RALGAPA2: variants seen among roughly 807,000 people sequenced by gnomAD.
The protein encoded by RALGAPA2 is Ral GTPase activating protein catalytic subunit alpha 2.
A neutral mutation model predicts 230.4 loss-of-function variants in RALGAPA2; 139 were observed. That is an observed-to-expected ratio of 0.60 (90% confidence interval 0.53 to 0.69). RALGAPA2 has a LOEUF of 0.69. Ranked by LOEUF, RALGAPA2 falls within the 30% of genes least tolerant of loss-of-function variation. The pLI, the probability that RALGAPA2 is intolerant of heterozygous loss-of-function variation, is 0.00. For missense variants in RALGAPA2, 2,163 were observed against 2,276.0 expected, an observed-to-expected ratio of 0.95 and a Z score of 1.01; for synonymous variants, 847 against 837.8, an observed-to-expected ratio of 1.01 and a Z score of -0.19.
intron 3 of RALGAPA2, among the ~76,000 whole-genome samples, chr20:20,672,922 G>A (rs13040686): frequency 0.017 from 2,512 of 152,238 alleles, 24 homozygotes; most frequent in Non-Finnish European, 0.027. Flanking sequence ...AGTAGCTCAC[G>A]CCTTGTAATC....
intron 34 of RALGAPA2, 21 bp from the exon 35 acceptor site, chr20:20,503,527 G>A: frequency 6.6e-7 from 1 of 1,508,970 alleles, no homozygotes; most frequent in Non-Finnish European, 8.9e-7. Context: ...TCACAAAGAA[G>A]AAAGAGTGAG....
chr20:20,640,129 T>C (rs2066985348), intron 6 of RALGAPA2, among the ~76,000 whole-genome samples: 1 of 152,200 alleles, frequency 6.6e-6, no homozygotes, highest in Non-Finnish European at 1.5e-5. Context: ...AATTCTGCTT[T>C]GGTCAGCCCA....
rs769770890 is a variant in RALGAPA2 at position 20,640,848 on chromosome 20, G to A, written c.403C>T (p.Leu135=). ...IRCEGIRLFL[L]WLQALQTNCA... is the part of the protein sequence containing the mutation. ...TTTGTCTGAAGTGCTTGAAGCCACA[G>A]AAGAAACAGCCTGATTCCTTCACAT... Residue 135 remains leucine, a synonymous_variant, in exon 6 of 40, where the codon CTG becomes TTG. Coordinates refer to ENST00000202677, the MANE Select transcript of RALGAPA2 (RefSeq NM_020343.4). The A allele has an allele frequency of 6.2e-7, 1 of 1,613,484 alleles. No homozygotes were observed. The highest frequency in any genetic ancestry group is 8.5e-7 in the Non-Finnish European group (1 of 1,179,626).
rs1276949945 is a variant in RALGAPA2, at chr20:20,611,274, T to C, written c.1800+41A>G. ...AAACTAGTTTGCTACAAAATCTGAT[T>C]CATTTCTTGCATTTGCAGTGCTTTC... On this transcript the variant is annotated intron_variant, in intron 14 of 39. Coordinates refer to ENST00000202677, the MANE Select transcript of RALGAPA2 (RefSeq NM_020343.4). The C allele has an allele frequency of 1.9e-6, 3 of 1,553,912 alleles. No individual in the cohort carries two copies. In the Admixed American group the frequency reaches 5.7e-5, roughly 29 times the overall value.
intron 1 of RALGAPA2, among the ~76,000 whole-genome samples, chr20:20,687,958 C>A (rs1334545103): frequency 6.6e-6 from 1 of 152,156 alleles, no homozygotes; most frequent in African/African-American, 2.4e-5. Flanking sequence ...TTCCTGACAC[C>A]AGCCAGTATG....
In RALGAPA2 at chr20:20,390,802, C is replaced by G. The variant is rs1247390242; in HGVS notation, c.*2487G>C. On this transcript the variant is annotated 3_prime_UTR_variant, in exon 40 of 40. Coordinates refer to ENST00000202677, the MANE Select transcript of RALGAPA2 (RefSeq NM_020343.4). ...CGTGGCTGTCAGATTCCCTGCTCCA[C>G]GTTCCATCTCCAGACCAAAGCTGCT... is the stretch of plus-strand genomic sequence containing the variant. 1 of 152,196 alleles carries G rather than the reference C, an allele frequency of 6.6e-6. No homozygotes were observed. The highest frequency in any genetic ancestry group is 2.4e-5 in the African/African-American group (1 of 41,432). 9.4% of individuals were successfully genotyped at this position (152,196 alleles called of 1,614,324 possible).
At chr20:20,544,405 T>C (rs2063727663) in intron 24 of RALGAPA2, among the ~76,000 whole-genome samples, 2 of 152,166 alleles carry the variant, frequency 1.3e-5, no homozygotes, top group South Asian at 4.2e-4. Context: ...GGAATGCTTT[T>C]ACACTGTTGG....
intron 38 of RALGAPA2, among the ~76,000 whole-genome samples, chr20:20,403,760 G>A (rs1185827894): frequency 6.6e-6 from 1 of 152,202 alleles, no homozygotes; most frequent in Non-Finnish European, 1.5e-5. Flanking sequence ...TGGGCTCTGG[G>A]ATGCACGCTG....
intron 4 of RALGAPA2, among the ~76,000 whole-genome samples, chr20:20,649,532 T>TA (rs933136245): frequency 6.6e-6 from 1 of 152,198 alleles, no homozygotes; most frequent in Non-Finnish European, 1.5e-5. Flanking sequence ...TAATGACTCA[T>TA]AAAAAACATA....
chr20:20,394,180 T>C (rs543395409), intron 39 of RALGAPA2, among the ~76,000 whole-genome samples: 7 of 152,306 alleles, frequency 4.6e-5, no homozygotes, highest in African/African-American at 1.7e-4. Flanking sequence ...ACGCATCTTT[T>C]TTCATTCTCT....
chr20:20,443,391 A>G (rs1248063312), intron 37 of RALGAPA2, among the ~76,000 whole-genome samples: 7 of 152,108 alleles, frequency 4.6e-5, no homozygotes, highest in African/African-American at 1.7e-4. Context: ...ACATTGCATC[A>G]TTTTCTGGGG....
rs971559024 is a variant in RALGAPA2, at chr20:20,583,140, G to C, written c.2617C>G (p.Pro873Ala). 6.2e-7 allele frequency: 1 copy of C among 1,613,658 alleles called. No individual in the cohort carries two copies. Among genetic ancestry groups the C allele is most frequent in the Non-Finnish European group, 8.5e-7 (1 of 1,179,722 alleles). The change falls in exon 20 of 40, where the codon CCA becomes GCA. Residue 873 changes from proline to alanine, a missense_variant. Pro to Ala is a conservative substitution (Grantham distance 27). Transcript: ENST00000202677. Reference sequence around the variant, plus strand: ...ACATCTGTGGGAGTATTCAGTTCTGGGTCTTCCTCACAGGTCTGCCATGGG... The same window carrying C: ...ACATCTGTGGGAGTATTCAGTTCTGCGTCTTCCTCACAGGTCTGCCATGGG... Reference protein sequence around the residue: ...MGPWQTCEEDPELNTPTDVVA... With the variant: ...MGPWQTCEEDAELNTPTDVVA...
intron 1 of RALGAPA2, among the ~76,000 whole-genome samples, chr20:20,696,772 C>T (rs957291903): frequency 6.6e-6 from 1 of 152,206 alleles, no homozygotes; most frequent in Non-Finnish European, 1.5e-5. Flanking sequence ...ACCCAGGTCT[C>T]AGTCCAAACC....
Position 20,642,354 on chromosome 20 carries a change from G to A in RALGAPA2, c.372+1152C>T, listed in dbSNP as rs1234143340. Among the ~76,000 whole-genome samples the A allele has an allele frequency of 2.0e-5, 3 of 151,994 alleles. No homozygotes were observed. The East Asian group carries it at 5.8e-4, about 29-fold the overall frequency. Reference sequence around the variant, plus strand: ...GCCTCCCGAGTAGCTGAGACTATAGGCGTATGCCACCATGCCCGGCTAATT... The same window carrying A: ...GCCTCCCGAGTAGCTGAGACTATAGACGTATGCCACCATGCCCGGCTAATT... On this transcript the variant is annotated intron_variant, in intron 5 of 39. Transcript: ENST00000202677.
At chr20:20,618,027 T>C (rs6137080) in intron 12 of RALGAPA2, among the ~76,000 whole-genome samples, 14 of 152,028 alleles carry the variant, frequency 9.2e-5, no homozygotes, top group African/African-American at 2.9e-4. Flanking sequence ...TATAAAAAAA[T>C]TTTTTTTCTC....
At chr20:20,569,006 G>A (rs975650491) in intron 23 of RALGAPA2, among the ~76,000 whole-genome samples, 1 of 151,910 alleles carries the variant, frequency 6.6e-6, no homozygotes, top group Non-Finnish European at 1.5e-5. Flanking sequence ...GCCCTGAGAT[G>A]GTACCAGTCA....
At chr20:20,445,799 T>G (rs1203518953) in intron 37 of RALGAPA2, among the ~76,000 whole-genome samples, 11 of 152,158 alleles carry the variant, frequency 7.2e-5, no homozygotes, top group Non-Finnish European at 4.4e-5. Flanking sequence ...TGTAAAGAAG[T>G]ATAATCTTAA....
rs571928542 is a variant in RALGAPA2 at position 20,529,429 on chromosome 20, C to T, written c.3582+2258G>A. Among the ~76,000 whole-genome samples the T allele has an allele frequency of 6.6e-5, 10 of 152,306 alleles. No individual in the cohort carries two copies. In the South Asian group the frequency reaches 1.5e-3, roughly 22 times the overall value. The stretch of plus-strand genomic sequence containing the variant: ...AAAGTTGCAGAAAGAATATCTATCC[C>T]TCTACTCTGTTATCAATTTCCATCT... On this transcript the variant is annotated intron_variant, in intron 27 of 39. Transcript: ENST00000202677.
At chr20:20,707,270 A>G (rs73298840) in intron 1 of RALGAPA2, among the ~76,000 whole-genome samples, 1,681 of 152,358 alleles carry the variant, frequency 0.011, 30 homozygotes, top group African/African-American at 0.039. Context: ...CACTTAGAAA[A>G]GCACTGTGAA....
Sources: allele counts gnomAD v4.1 joint callset (sites outside exome capture counted in the v4.1 genomes callset), GRCh38; gene constraint gnomAD v4.1.1; transcripts MANE v1.5; gene names NCBI Gene and HGNC (gene_info 2026-07-23, HGNC 2026-07-21).